The following HDAC9 variants were observed in gnomAD, a reference collection of about 807,000 sequenced individuals.
The protein encoded by HDAC9 is histone deacetylase 9.
In HDAC9, 41 loss-of-function variants were observed where a neutral mutation model predicts 139.4. The observed-to-expected ratio is 0.29, with a 90% confidence interval of 0.23 to 0.38. The LOEUF (loss-of-function observed/expected upper bound fraction) is 0.38. Among genes scored for constraint, HDAC9 ranks in the 10% least tolerant of loss-of-function variants. HDAC9 has a pLI of 1.00. For missense variants in HDAC9, 1,147 were observed against 1,297.0 expected (o/e 0.88, Z 1.78); for synonymous variants, 517 against 476.2 (o/e 1.09, Z -1.12).
chr7:18,988,892 C>CT (rs922421415), intron 25 of HDAC9, among the ~76,000 whole-genome samples: 7 of 146,270 alleles, frequency 4.8e-5, no homozygotes, highest in Non-Finnish European at 7.5e-5. Flanking sequence ...CAACCCCTGC[C>CT]TTTTTTTGTT....
intron 1 of HDAC9, among the ~76,000 whole-genome samples, chr7:18,349,972 G>A (rs916028861): frequency 3.0e-4 from 45 of 152,104 alleles, no homozygotes; most frequent in South Asian, 2.7e-3. Flanking sequence ...AGAATACTTC[G>A]TTTGTGCCAG....
At chr7:18,825,910 A>G (rs1795397088) in intron 17 of HDAC9, among the ~76,000 whole-genome samples, 1 of 148,700 alleles carries the variant, frequency 6.7e-6, no homozygotes, top group African/African-American at 2.4e-5. Context: ...TTATATTTAT[A>G]TAATATACAT....
chr7:18,379,653 C>T (rs1320103121), intron 1 of HDAC9, among the ~76,000 whole-genome samples: 2 of 152,156 alleles, frequency 1.3e-5, no homozygotes, highest in African/African-American at 2.4e-5. Context: ...CCTTTTCTGT[C>T]TTAGTTTCAG....
chr7:18,169,657 A>G (rs902852073), intron 2 of HDAC9, among the ~76,000 whole-genome samples: 1 of 151,674 alleles, frequency 6.6e-6, no homozygotes, highest in Non-Finnish European at 1.5e-5. Context: ...TCCCCGCCCT[A>G]TGTCCAAGTG....
intron 12 of HDAC9, among the ~76,000 whole-genome samples, chr7:18,682,244 C>G (rs1781938988): frequency 6.6e-6 from 1 of 151,976 alleles, no homozygotes; most frequent in Non-Finnish European, 1.5e-5. Flanking sequence ...CAATCAATAA[C>G]AAAGAGAACA....
chr7:18,748,549 C>T (rs749998813), intron 13 of HDAC9, among the ~76,000 whole-genome samples: 1 of 152,004 alleles, frequency 6.6e-6, no homozygotes, highest in Non-Finnish European at 1.5e-5. Context: ...AAAAATGAAA[C>T]CTTGATCTGA....
intron 12 of HDAC9, among the ~76,000 whole-genome samples, chr7:18,684,333 T>C (rs1016406870): frequency 6.6e-6 from 1 of 151,216 alleles, no homozygotes; most frequent in Non-Finnish European, 1.5e-5. Flanking sequence ...ACAAAAACTT[T>C]CTTTTCATCA....
chr7:18,207,539 C>CTTTTTTTTTTTTTTTTTTTTTTTT lies in HDAC9; in HGVS notation c.25+45208_25+45209insTTTTTTTTTTTTTTTTTTTTTTTT, dbSNP rs56690120. On this transcript the variant is annotated intron_variant, in intron 2 of 12. Transcript: ENST00000417496. ...CTCTCACCTCATCTGCCCAAGGAGT[C>CTTTTTTTTTTTTTTTTTTTTTTTT]TTTTTTTTTTTTTTTTTTGATTTGA... is the stretch of plus-strand genomic sequence containing the variant. 1.5e-4 allele frequency among the ~76,000 whole-genome samples: 8 copies of CTTTTTTTTTTTTTTTTTTTTTTTT among 53,738 alleles called. 1 individual carries two copies. Among genetic ancestry groups the CTTTTTTTTTTTTTTTTTTTTTTTT allele is most frequent in the African/African-American group, 4.7e-4 (6 of 12,780 alleles). The allele number at this position is 53,738 out of a possible 152,430, so 35.3% of individuals were successfully genotyped here. A position where few individuals can be genotyped will look rare whatever the true frequency, so the allele number is the denominator to read the frequency against.
intron 2 of HDAC9, among the ~76,000 whole-genome samples, chr7:18,174,814 C>G (rs964557128): frequency 1.3e-5 from 2 of 152,140 alleles, no homozygotes; most frequent in African/African-American, 2.4e-5. Context: ...CTGCCTGATC[C>G]TTCCTCTGGA....
At chr7:18,247,048 T>C (rs1419997160) in intron 2 of HDAC9, among the ~76,000 whole-genome samples, 1 of 152,008 alleles carries the variant, frequency 6.6e-6, no homozygotes, top group East Asian at 1.9e-4. Context: ...AGGGAAGCTA[T>C]GGCTGGAGCA....
intron 1 of HDAC9, among the ~76,000 whole-genome samples, chr7:18,398,652 A>C (rs1405563661): frequency 1.3e-5 from 2 of 152,112 alleles, no homozygotes; most frequent in Non-Finnish European, 2.9e-5. Flanking sequence ...GAATTCTTTA[A>C]GATATATTTC....
upstream of HDAC9, among the ~76,000 whole-genome samples, chr7:18,491,014 G>C (rs562798258): frequency 1.7e-4 from 26 of 151,976 alleles, no homozygotes; most frequent in Middle Eastern, 3.4e-3. Context: ...GTCTCTGCTT[G>C]ATTACAGATG....
At chr7:18,576,873 G>C (rs1350707350) in intron 2 of HDAC9, among the ~76,000 whole-genome samples, 1 of 152,116 alleles carries the variant, frequency 6.6e-6, no homozygotes, top group African/African-American at 2.4e-5. Flanking sequence ...AGATGTTTAA[G>C]CTGGAGATAG....
intron 21 of HDAC9, 31 bp downstream of exon 21, chr7:18,836,028 A>G: frequency 8.0e-7 from 1 of 1,242,352 alleles, no homozygotes; most frequent in Middle Eastern, 1.9e-4. Flanking sequence ...GAAAGTGGCA[A>G]ATTGGAAAAT....
chr7:18,185,196 T>G (rs1459885530), intron 2 of HDAC9, among the ~76,000 whole-genome samples: 1 of 152,194 alleles, frequency 6.6e-6, no homozygotes, highest in Non-Finnish European at 1.5e-5. Context: ...ATTTGTTATT[T>G]GAAAGACATC....
intron 13 of HDAC9, among the ~76,000 whole-genome samples, chr7:18,747,021 T>C (rs564665556): frequency 4.6e-5 from 7 of 152,082 alleles, no homozygotes; most frequent in South Asian, 4.1e-4. Flanking sequence ...ACTGGAGTTA[T>C]GGAGGTCAAG....
chr7:18,711,174 A>G (rs757656019), intron 12 of HDAC9, among the ~76,000 whole-genome samples: 8 of 152,220 alleles, frequency 5.3e-5, no homozygotes, highest in Non-Finnish European at 5.9e-5. Context: ...AAGATGGGGC[A>G]ACTGAGGCTT....
chr7:18,340,791 C>T (rs1781946739), intron 1 of HDAC9, among the ~76,000 whole-genome samples: 1 of 151,402 alleles, frequency 6.6e-6, no homozygotes, highest in African/African-American at 2.4e-5. Flanking sequence ...TTTATTTTTT[C>T]ATATGGTTAC....
In HDAC9 at chr7:18,788,457, A is replaced by G. The variant is rs559406596; in HGVS notation, c.2215-4888A>G. Among the ~76,000 whole-genome samples the G allele has an allele frequency of 2.6e-5, 4 of 152,236 alleles. No individual in the cohort carries two copies. In the East Asian group the frequency reaches 7.7e-4, roughly 29 times the overall value. On this transcript the variant is annotated intron_variant, in intron 16 of 25. Coordinates refer to ENST00000686413, the MANE Select transcript of HDAC9 (RefSeq NM_178425.4). ...ACAGTTTAGTGTAGACATGACTTCAAAAAGTCCCAAATATTGGCTGAACGC... is the reference window on the plus strand; with the variant it reads ...ACAGTTTAGTGTAGACATGACTTCAGAAAGTCCCAAATATTGGCTGAACGC...
Sources: gnomAD v4.1 joint callset for allele counts (sites outside exome capture counted in the v4.1 genomes callset) on GRCh38, gnomAD v4.1.1 for gene constraint, MANE v1.5 for transcripts, NCBI Gene and HGNC (gene_info 2026-07-23, HGNC 2026-07-21) for gene names.